The following ZFYVE16 variants were observed in gnomAD, a reference collection of about 807,000 sequenced individuals.
ZFYVE16 encodes zinc finger FYVE-type containing 16, also known as zinc finger FYVE domain-containing protein 16.
Under a neutral mutation model 138.1 loss-of-function variants are expected in ZFYVE16, and 89 were observed. The observed-to-expected ratio is 0.64, with a 90% CI of 0.54 to 0.77. ZFYVE16 has a LOEUF of 0.77. Among genes scored for constraint, ZFYVE16 ranks in the 30% least tolerant of loss-of-function variants. The probability of loss-of-function intolerance (pLI) is 0.00; values close to 1 mark genes in which losing one functional copy is unlikely to be tolerated. For synonymous variants in ZFYVE16, 596 were observed against 618.3 expected (o/e 0.96, Z 0.53); for missense variants, 1,793 against 1,786.7 (o/e 1.00, Z -0.06).
chr5:80,439,383 T>C (rs1453314698), intron 4 of ZFYVE16, among the ~76,000 whole-genome samples: 1 of 152,198 alleles, frequency 6.6e-6, no homozygotes, highest in African/African-American at 2.4e-5. Flanking sequence ...ACAGCTAGTG[T>C]TGTGATCAAT....
chr5:80,451,130 G>T (rs1021679337), intron 10 of ZFYVE16, among the ~76,000 whole-genome samples: 1 of 151,970 alleles, frequency 6.6e-6, no homozygotes, highest in African/African-American at 2.4e-5. Context: ...TGATTTTTCA[G>T]TGTATCTATG....
intron 10 of ZFYVE16, 54 bp from the exon 11 acceptor site, chr5:80,451,431 T>C (rs1479492840): frequency 2.8e-6 from 4 of 1,432,952 alleles, no homozygotes; most frequent in Non-Finnish European, 3.8e-6. Flanking sequence ...GAACATTTCT[T>C]CAAAACAATA....
chr5:80,418,799 G>GATC lies in ZFYVE16; in HGVS notation c.-93-8690_-93-8688dup, dbSNP rs1746640537. ...CAAACTTACCATTTTTTCTTTCGTG[G>GATC]ATCATGGTACTGGTATTGTATTTAA... On this transcript the variant is annotated intron_variant, in intron 1 of 18. Coordinates refer to ENST00000505560, the MANE Select transcript of ZFYVE16 (RefSeq NM_001284236.3). Among the ~76,000 whole-genome samples, 4 of 152,124 alleles carry GATC rather than the reference G, an allele frequency of 2.6e-5. No individual in the cohort carries two copies. In the South Asian group the frequency reaches 8.3e-4, roughly 32 times the overall value.
intron 3 of ZFYVE16, among the ~76,000 whole-genome samples, chr5:80,435,392 C>T (rs1414832440): frequency 6.6e-6 from 1 of 152,036 alleles, no homozygotes; most frequent in African/African-American, 2.4e-5. Context: ...TAGTCTTAAA[C>T]GCCTGGCCTC....
At chr5:80,446,388 C>T (rs900377879) in intron 7 of ZFYVE16, among the ~76,000 whole-genome samples, 4 of 151,942 alleles carry the variant, frequency 2.6e-5, no homozygotes, top group African/African-American at 9.7e-5. Context: ...CAAAATAAGG[C>T]TATTACATTA....
intron 1 of ZFYVE16, among the ~76,000 whole-genome samples, chr5:80,420,851 G>A (rs1454227127): frequency 1.3e-5 from 2 of 152,158 alleles, no homozygotes; most frequent in South Asian, 4.1e-4. Flanking sequence ...TCTAGTTCTA[G>A]ATCCCTAAGG....
intron 7 of ZFYVE16, among the ~76,000 whole-genome samples, chr5:80,446,786 G>C (rs1238487233): frequency 1.3e-5 from 2 of 152,130 alleles, no homozygotes. Flanking sequence ...AATGTGCTAG[G>C]TGTTAAACAG....
intron 2 of ZFYVE16, among the ~76,000 whole-genome samples, chr5:80,431,690 C>T (rs889243819): frequency 7.9e-5 from 12 of 152,132 alleles, no homozygotes; most frequent in African/African-American, 1.7e-4. Flanking sequence ...TAGAAAACCC[C>T]ATCGTCTCAG....
chr5:80,435,083 G>A (rs1009448386), intron 3 of ZFYVE16, among the ~76,000 whole-genome samples: 1 of 152,268 alleles, frequency 6.6e-6, no homozygotes, highest in East Asian at 1.9e-4. Flanking sequence ...TGTCCAGGCT[G>A]GAGTGCAGTG....
chr5:80,467,016 C>A (rs778564695), intron 15 of ZFYVE16, among the ~76,000 whole-genome samples: 4 of 152,182 alleles, frequency 2.6e-5, no homozygotes, highest in Non-Finnish European at 5.9e-5. Flanking sequence ...CAAAAACTTA[C>A]TATCAGACAG....
At chr5:80,458,458 T>C (rs751077019) in intron 14 of ZFYVE16, among the ~76,000 whole-genome samples, 6 of 152,342 alleles carry the variant, frequency 3.9e-5, no homozygotes, top group Admixed American at 2.0e-4. Context: ...CTTCCACTTT[T>C]ATAGACAAGT....
At chr5:80,464,890 G>C (rs1442322889) in intron 15 of ZFYVE16, among the ~76,000 whole-genome samples, 4 of 151,990 alleles carry the variant, frequency 2.6e-5, no homozygotes, top group Non-Finnish European at 5.9e-5. Flanking sequence ...ATATAATTCA[G>C]ATAAATACCA....
At chr5:80,422,236 T>G (rs564302067) in intron 1 of ZFYVE16, among the ~76,000 whole-genome samples, 32 of 152,234 alleles carry the variant, frequency 2.1e-4, no homozygotes, top group African/African-American at 7.5e-4. Flanking sequence ...TTTCCTTTTC[T>G]TGTCTTATTG....
rs1203524121 is a variant in ZFYVE16 at position 80,449,600 on chromosome 5, TAGA to T, written c.3118_3120del (p.Glu1040del). The T allele has an allele frequency of 1.9e-6, 3 of 1,608,254 alleles. No homozygotes were observed. The highest frequency in any genetic ancestry group is 2.5e-6 in the Non-Finnish European group (3 of 1,177,920). Reference sequence around the variant, plus strand: ...TACTTTCATCATTTAGTGCCTGTAGTAGAAGAACATCCATCTCATGAGCAGATC... The same window carrying T: ...TACTTTCATCATTTAGTGCCTGTAGTAGAACATCCATCTCATGAGCAGATC... On this transcript the variant is annotated inframe_deletion, in exon 9 of 19. Transcript: ENST00000505560.
intron 8 of ZFYVE16, 50 bp downstream of exon 8, chr5:80,448,454 T>C: frequency 7.2e-7 from 1 of 1,380,738 alleles, no homozygotes; most frequent in Non-Finnish European, 9.4e-7. Context: ...TATATACTGA[T>C]GAATTTTATC....
At position 80,436,972 on chromosome 5, in the gene ZFYVE16, A is replaced by T; in HGVS notation, c.287A>T (p.Asn96Ile). ...CTTACTTCTATACAAAATGAAAAAA[A>T]TGTAACAGGACTTGATCTTCTTTCT... ...KGLTSIQNEK[N>I]VTGLDLLSSV... is the part of the protein sequence containing the mutation. The change falls in exon 4 of 19, where the codon AAT becomes ATT. Residue 96 changes from asparagine to isoleucine, a missense_variant. By Grantham distance (149) the Asn-to-Ile change is moderately radical. Coordinates refer to ENST00000505560, the MANE Select transcript of ZFYVE16 (RefSeq NM_001284236.3). 6.2e-7 allele frequency: 1 copy of T among 1,614,148 alleles called. No homozygotes were observed. The highest frequency in any genetic ancestry group is 1.1e-5 in the South Asian group (1 of 91,086).
intron 3 of ZFYVE16, chr5:80,435,661 T>C: frequency 2.7e-6 from 1 of 377,254 alleles, no homozygotes; most frequent in South Asian, 1.9e-5. Flanking sequence ...CTTGAATTCC[T>C]GCCCTCAGGC....
At chr5:80,428,603 A>G (rs1198847041) in intron 2 of ZFYVE16, among the ~76,000 whole-genome samples, 1 of 152,242 alleles carries the variant, frequency 6.6e-6, no homozygotes, top group African/African-American at 2.4e-5. Context: ...AAAGCTGGAC[A>G]GAGAATGACT....
At chr5:80,421,571 T>C (rs1747182640) in intron 1 of ZFYVE16, among the ~76,000 whole-genome samples, 1 of 152,212 alleles carries the variant, frequency 6.6e-6, no homozygotes, top group Non-Finnish European at 1.5e-5. Context: ...CCATTTCTTG[T>C]TTTTATCAGG....
Sources: allele counts gnomAD v4.1 joint callset (sites outside exome capture counted in the v4.1 genomes callset), GRCh38; gene constraint gnomAD v4.1.1; transcripts MANE v1.5; gene names NCBI Gene and HGNC (gene_info 2026-07-23, HGNC 2026-07-21).